Variants in PTPRG observed in about 807,000 individuals in gnomAD.
PTPRG encodes protein tyrosine phosphatase receptor type G.
In PTPRG, 102 loss-of-function variants were observed where a neutral mutation model predicts 165.3. That is an observed-to-expected ratio of 0.62 (90% CI 0.53 to 0.73). PTPRG has a LOEUF of 0.73. Among genes scored for constraint, PTPRG ranks in the 30% least tolerant of loss-of-function variants. The pLI, the probability that PTPRG is intolerant of heterozygous loss-of-function variation, is 0.00. For synonymous variants in PTPRG, 675 were observed against 669.5 expected (o/e 1.01, Z -0.13); for missense variants, 1,866 against 1,861.4 (o/e 1.00, Z -0.05).
chr3:61,601,284 A>G lies in PTPRG; in HGVS notation c.85+38912A>G, dbSNP rs115336044. On this transcript the variant is annotated intron_variant, in intron 1 of 29. Transcript: ENST00000474889. ...AAGCAAAACAGAGCAAAACAAAACA[A>G]AAGGAGCTTTTCTGAATCAGGGTAT... 6.8e-3 allele frequency among the ~76,000 whole-genome samples: 1,037 copies of G among 152,204 alleles called. 10 individuals are homozygous for G. The highest frequency in any genetic ancestry group is 0.023 in the African/African-American group (957 of 41,530).
chr3:62,103,714 G>A (rs761676903), intron 5 of PTPRG, among the ~76,000 whole-genome samples: 5 of 152,194 alleles, frequency 3.3e-5, no homozygotes, highest in Non-Finnish European at 7.3e-5. Flanking sequence ...GCATTTTGAT[G>A]ACACCTGTCA....
Position 62,273,762 on chromosome 3 carries a change from C to G in PTPRG, c.3383C>G (p.Ser1128Cys). Residue 1128 changes from serine to cysteine, a missense_variant, in exon 23 of 30, where the codon TCT becomes TGT. This residue lies in a region of PTPRG where 1,452 missense variants were observed against 1,463.0 expected (regional missense o/e 0.99). Coordinates refer to ENST00000474889, the MANE Select transcript of PTPRG (RefSeq NM_002841.4). The surrounding 1 kb of genome is among the most constrained non-coding windows in gnomAD (Gnocchi z 4.1). ...ATTCTTGGAAAGGAGACTGAAGTAT[C>G]TTCAAATCAGCTGCACAGCTATGTT... ...EAILGKETEV[S>C]SNQLHSYVNS... is the part of the protein sequence containing the mutation. 3 of 1,613,734 alleles carry G rather than the reference C, an allele frequency of 1.9e-6. No homozygotes were observed. Among genetic ancestry groups the G allele is most frequent in the Non-Finnish European group, 1.7e-6 (2 of 1,179,702 alleles).
At chr3:61,887,374 G>A (rs1335365126) in intron 2 of PTPRG, among the ~76,000 whole-genome samples, 1 of 151,832 alleles carries the variant, frequency 6.6e-6, no homozygotes, top group Non-Finnish European at 1.5e-5. Context: ...AAAAACACAT[G>A]CTAAGAATAA....
At chr3:62,260,296 C>G (rs1013924973) in intron 16 of PTPRG, among the ~76,000 whole-genome samples, 5 of 152,174 alleles carry the variant, frequency 3.3e-5, no homozygotes, top group Admixed American at 2.0e-4. Context: ...ACTGAGCAAT[C>G]TGAAAGATTT....
chr3:61,620,933 A>G (rs1004673427), intron 1 of PTPRG, among the ~76,000 whole-genome samples: 1 of 151,634 alleles, frequency 6.6e-6, no homozygotes, highest in African/African-American at 2.4e-5. Flanking sequence ...CCGGCCTTAC[A>G]GTTACTCTTT....
At chr3:62,281,792 C>T in intron 27 of PTPRG, 83 bp downstream of exon 27, 1 of 1,322,186 alleles carries the variant, frequency 7.6e-7, no homozygotes. Flanking sequence ...TAATTTACCA[C>T]CCTCAAGCCA....
chr3:62,140,838 T>C (rs1160790934), intron 6 of PTPRG, among the ~76,000 whole-genome samples: 1 of 120,350 alleles, frequency 8.3e-6, no homozygotes, highest in Non-Finnish European at 1.6e-5. Context: ...CAGAGTGAGA[T>C]GAGACTCGGT....
At chr3:61,747,997 G>A (rs1451212107) in intron 1 of PTPRG, among the ~76,000 whole-genome samples, 1 of 152,208 alleles carries the variant, frequency 6.6e-6, no homozygotes, top group African/African-American at 2.4e-5. Flanking sequence ...GCTGGGAAGA[G>A]AGGGCTTTGA....
chr3:61,950,445 A>G (rs959003755), intron 2 of PTPRG, among the ~76,000 whole-genome samples: 6 of 152,202 alleles, frequency 3.9e-5, no homozygotes, highest in African/African-American at 1.4e-4. Flanking sequence ...TGTTCAATGA[A>G]GTAAATGCTG....
intron 4 of PTPRG, among the ~76,000 whole-genome samples, chr3:62,044,346 C>T (rs1188955551): frequency 6.6e-6 from 1 of 152,172 alleles, no homozygotes; most frequent in South Asian, 2.1e-4. Flanking sequence ...CAAGACAAGC[C>T]TGACCAATAT....
chr3:61,976,430 G>A (rs769914422), intron 2 of PTPRG, among the ~76,000 whole-genome samples: 12 of 152,196 alleles, frequency 7.9e-5, no homozygotes, highest in South Asian at 2.1e-4. Flanking sequence ...CAGTAGAGAA[G>A]CAACAGGTAA....
At chr3:61,651,076 C>A (rs1702337510) in intron 1 of PTPRG, among the ~76,000 whole-genome samples, 1 of 151,076 alleles carries the variant, frequency 6.6e-6, no homozygotes, top group African/African-American at 2.4e-5. Flanking sequence ...TCATTGCCTA[C>A]ACTTCTAGAA....
chr3:61,706,277 A>G (rs944050226), intron 1 of PTPRG, among the ~76,000 whole-genome samples: 2 of 152,194 alleles, frequency 1.3e-5, no homozygotes, highest in African/African-American at 2.4e-5. Context: ...TAAGTGCCCA[A>G]TGTGAGCTGC....
chr3:61,693,452 A>G (rs1052180616), intron 1 of PTPRG, among the ~76,000 whole-genome samples: 1 of 152,182 alleles, frequency 6.6e-6, no homozygotes, highest in Non-Finnish European at 1.5e-5. Context: ...GTTCTTATCA[A>G]TAGTGTCTGT....
chr3:62,103,441 C>T (rs1702363023), intron 5 of PTPRG, among the ~76,000 whole-genome samples: 1 of 152,216 alleles, frequency 6.6e-6, no homozygotes, highest in Admixed American at 6.5e-5. Flanking sequence ...AGTTATCCAT[C>T]TCCAGCGCCT....
intron 3 of PTPRG, among the ~76,000 whole-genome samples, chr3:61,990,463 G>A (rs1446627048): frequency 6.6e-6 from 1 of 152,194 alleles, no homozygotes; most frequent in Admixed American, 6.5e-5. Context: ...TTTGGGATTT[G>A]TGAATATGCA....
At chr3:62,010,006 T>C (rs2041381381) in intron 4 of PTPRG, among the ~76,000 whole-genome samples, 1 of 152,200 alleles carries the variant, frequency 6.6e-6, no homozygotes, top group Non-Finnish European at 1.5e-5. Context: ...CAGCCTCAAC[T>C]TCCTGGGCTC....
At chr3:61,936,525 C>G (rs1376480035) in intron 2 of PTPRG, among the ~76,000 whole-genome samples, 2 of 152,160 alleles carry the variant, frequency 1.3e-5, no homozygotes, top group African/African-American at 4.8e-5. Context: ...CATTCAACCC[C>G]CTACCCGCCC....
chr3:61,984,582 A>G (rs1425932897), intron 2 of PTPRG, among the ~76,000 whole-genome samples: 1 of 152,210 alleles, frequency 6.6e-6, no homozygotes, highest in Non-Finnish European at 1.5e-5. Context: ...CTTGGCTTCT[A>G]TGCAGTTTGC....
Sources: gnomAD v4.1 joint callset for allele counts (sites outside exome capture counted in the v4.1 genomes callset) on GRCh38, gnomAD v4.1.1 for gene constraint, gnomAD v4.1.1 regional missense constraint, Gnocchi (gnomAD v3.1) non-coding constraint, MANE v1.5 for transcripts, NCBI Gene and HGNC (gene_info 2026-07-23, HGNC 2026-07-21) for gene names.